MFHAS1: variants seen among roughly 807,000 people sequenced by gnomAD.
MFHAS1 encodes malignant fibrous histiocytoma-amplified sequence 1.
In MFHAS1, 50 loss-of-function variants were observed where a neutral mutation model predicts 70.4. That is an observed-to-expected ratio of 0.71 (90% confidence interval 0.57 to 0.90). The LOEUF is 0.90. MFHAS1 is among the 40% of genes least tolerant of loss of function. The probability of loss-of-function intolerance (pLI) is 0.00; values close to 1 mark genes in which losing one functional copy is unlikely to be tolerated. For missense variants in MFHAS1, 1,795 were observed against 1,347.6 expected, an observed-to-expected ratio of 1.33 and a Z score of -5.20; for synonymous variants, 952 against 620.0, an observed-to-expected ratio of 1.54 and a Z score of -7.96.
intron 1 of MFHAS1, among the ~76,000 whole-genome samples, chr8:8,843,136 G>T (rs924488853): frequency 6.6e-6 from 1 of 152,028 alleles, no homozygotes; most frequent in African/African-American, 2.4e-5. Context: ...GGGCGCGGTG[G>T]CGGGCGCCTG....
chr8:8,835,021 G>T lies in MFHAS1; in HGVS notation c.2999-37530C>A, dbSNP rs145365427. Among the ~76,000 whole-genome samples, 29 of 152,258 alleles carry T rather than the reference G, an allele frequency of 1.9e-4. No individual in the cohort carries two copies. The East Asian group carries it at 4.0e-3, about 21-fold the overall frequency. Reference sequence around the variant, plus strand: ...GGATTCTAAAGGCACTGTGAACCAAGGAAGTTTGCAAACCTCTAAACCAGA... The same window carrying T: ...GGATTCTAAAGGCACTGTGAACCAATGAAGTTTGCAAACCTCTAAACCAGA... On this transcript the variant is annotated intron_variant, in intron 1 of 2. Transcript: ENST00000276282.
chr8:8,862,783 G>C (rs1469675719), intron 1 of MFHAS1, among the ~76,000 whole-genome samples: 1 of 152,170 alleles, frequency 6.6e-6, no homozygotes, highest in East Asian at 1.9e-4. Context: ...CACTGTGGTT[G>C]GGGATGCTAC....
At chr8:8,849,350 G>C (rs1018721888) in intron 1 of MFHAS1, among the ~76,000 whole-genome samples, 3 of 151,978 alleles carry the variant, frequency 2.0e-5, no homozygotes, top group Non-Finnish European at 2.9e-5. Context: ...TGAAGTGCTG[G>C]GATTACAAGT....
intron 1 of MFHAS1, among the ~76,000 whole-genome samples, chr8:8,879,819 C>G (rs1416918363): frequency 6.6e-6 from 1 of 152,184 alleles, no homozygotes; most frequent in Non-Finnish European, 1.5e-5. Context: ...CTGTATAGAG[C>G]AGGTATTCAA....
At chr8:8,816,398 G>A (rs146758425) in intron 1 of MFHAS1, among the ~76,000 whole-genome samples, 19 of 152,274 alleles carry the variant, frequency 1.2e-4, no homozygotes, top group Non-Finnish European at 2.8e-4. Flanking sequence ...GTTATGGCAT[G>A]ACCATCCTCC....
chr8:8,814,087 G>A (rs1226233795), intron 1 of MFHAS1, among the ~76,000 whole-genome samples: 1 of 151,952 alleles, frequency 6.6e-6, no homozygotes, highest in Admixed American at 6.6e-5. Context: ...ACAGGTGTGT[G>A]CCACCACGCC....
chr8:8,828,443 C>G (rs1042740192), intron 1 of MFHAS1, among the ~76,000 whole-genome samples: 1 of 152,124 alleles, frequency 6.6e-6, no homozygotes, highest in African/African-American at 2.4e-5. Context: ...CTGCAGTGTT[C>G]TCAGATGGCC....
At chr8:8,877,941 CCTG>C (rs1809358663) in intron 1 of MFHAS1, among the ~76,000 whole-genome samples, 1 of 152,178 alleles carries the variant, frequency 6.6e-6, no homozygotes, top group African/African-American at 2.4e-5. Context: ...CACCCCTAGG[CCTG>C]CTGAAGTCTT....
chr8:8,835,158 G>T (rs1426912142), intron 1 of MFHAS1, among the ~76,000 whole-genome samples: 1 of 146,132 alleles, frequency 6.8e-6, no homozygotes, highest in African/African-American at 2.5e-5. Flanking sequence ...TGAGCATTAG[G>T]GGAGTGAGGG....
In MFHAS1 at chr8:8,890,288, G is replaced by T; in HGVS notation, c.2771C>A (p.Pro924His). ...GGCAGGTCTGTAACTCACAACCACA[G>T]GAACTTTCCCTCTATAGGCAAAGAT... ...FQIFAYRGKVPVVVSYRPARG... is the reference protein window; with the variant it reads ...FQIFAYRGKVHVVVSYRPARG... The change falls in exon 1 of 3, where the codon CCT (proline) becomes CAT (histidine). Residue 924 changes from proline (P) to histidine (H), a missense_variant. Coordinates refer to ENST00000276282, the MANE Select transcript of MFHAS1 (RefSeq NM_004225.3). 1 of 1,614,234 alleles carries T rather than the reference G, an allele frequency of 6.2e-7. No individual in the cohort carries two copies. Among genetic ancestry groups the T allele is most frequent in the Non-Finnish European group, 8.5e-7 (1 of 1,180,042 alleles).
intron 1 of MFHAS1, among the ~76,000 whole-genome samples, chr8:8,884,083 A>AG: frequency 9.1e-6 from 1 of 109,816 alleles, no homozygotes; most frequent in South Asian, 3.2e-4. Flanking sequence ...CACACACACA[A>AG]AAAGAAAAAA....
chr8:8,786,940 A>G (rs954910630), intron 2 of MFHAS1, among the ~76,000 whole-genome samples: 100 of 148,742 alleles, frequency 6.7e-4, no homozygotes, highest in African/African-American at 2.5e-3. Context: ...GCAAAGCAAA[A>G]CAAAACAAAA....
rs112377667 is a variant in MFHAS1 at position 8,790,497 on chromosome 8, A to C, written c.3126-4442T>G. ...TGACGGGAGACTAAATAATTAAAGA[A>C]ACACAATTCCTCCTAGCTTGTTAAA... On this transcript the variant is annotated intron_variant, in intron 2 of 2. Coordinates refer to ENST00000276282, the MANE Select transcript of MFHAS1 (RefSeq NM_004225.3). 1,986 of 421,606 alleles carry C rather than the reference A, an allele frequency of 4.7e-3. 30 individuals are homozygous for C. The South Asian group carries it at 0.05, about 11-fold the overall frequency. 26.1% of individuals were successfully genotyped at this position (421,606 alleles called of 1,614,324 possible).
At position 8,834,137 on chromosome 8, in the gene MFHAS1, AAAAC is replaced by A. The variant is rs1563196020; in HGVS notation, c.2999-36650_2999-36647del. Among the ~76,000 whole-genome samples, 28 of 151,698 alleles carry A rather than the reference AAAAC, an allele frequency of 1.8e-4. No individual in the cohort carries two copies. The South Asian group carries it at 2.3e-3, about 12-fold the overall frequency. ...TGAGACTCTGTCAAAAAAAACAAAA[AAAAC>A]AAAACAAACAAACAAACAAACAAAA... On this transcript the variant is annotated intron_variant, in intron 1 of 2. Coordinates refer to ENST00000276282, the MANE Select transcript of MFHAS1 (RefSeq NM_004225.3).
rs532760435 is a variant in MFHAS1 at position 8,817,042 on chromosome 8, A to C, written c.2999-19551T>G. On this transcript the variant is annotated intron_variant, in intron 1 of 2. Transcript: ENST00000276282. Reference sequence around the variant, plus strand: ...TTCATCCAACACTATCCCCCTCGAAATGTCAAAGAGACACCAAGGCTAAGG... The same window carrying C: ...TTCATCCAACACTATCCCCCTCGAACTGTCAAAGAGACACCAAGGCTAAGG... Among the ~76,000 whole-genome samples, 8 of 152,324 alleles carry C rather than the reference A, an allele frequency of 5.3e-5. No homozygotes were observed. In the South Asian group the frequency reaches 1.7e-3, roughly 32 times the overall value.
chr8:8,853,127 C>T (rs1270242304), intron 1 of MFHAS1, among the ~76,000 whole-genome samples: 2 of 152,056 alleles, frequency 1.3e-5, no homozygotes, highest in Non-Finnish European at 2.9e-5. Context: ...TCTCCTACTA[C>T]ACAAACAAGG....
chr8:8,870,373 G>C, intron 1 of MFHAS1, among the ~76,000 whole-genome samples: 1 of 152,040 alleles, frequency 6.6e-6, no homozygotes, highest in East Asian at 1.9e-4. Context: ...GGCTGCAGTG[G>C]AAGGATAGCT....
chr8:8,892,552 C>G lies in MFHAS1; in HGVS notation c.507G>C (p.Arg169=). The G allele has an allele frequency of 6.2e-7, 1 of 1,600,500 alleles. No homozygotes were observed. The change falls in exon 1 of 3, where the codon CGG becomes CGC. Residue 169 remains arginine, a synonymous_variant. Coordinates refer to ENST00000276282, the MANE Select transcript of MFHAS1 (RefSeq NM_004225.3). The surrounding 1 kb of genome is among the most constrained non-coding windows in gnomAD (Gnocchi z 4.7). Reference sequence around the variant, plus strand: ...AGAGGGAGTCAGGCAGGTGCGCCAGCCGGTTAAAGCTGACATCCAGCTCCT... The same window carrying G: ...AGAGGGAGTCAGGCAGGTGCGCCAGGCGGTTAAAGCTGACATCCAGCTCCT... ...HLEELDVSFN[R]LAHLPDSLSC... is the part of the protein sequence containing the mutation.
intron 1 of MFHAS1, 66 bp from the exon 2 acceptor site, chr8:8,797,557 A>C: frequency 6.5e-7 from 1 of 1,543,958 alleles, no homozygotes; most frequent in South Asian, 1.2e-5. Context: ...TTTTACAAAG[A>C]CAGCACTGCC....
Sources: gnomAD v4.1 joint callset for allele counts (sites outside exome capture counted in the v4.1 genomes callset) on GRCh38, gnomAD v4.1.1 for gene constraint, Gnocchi (gnomAD v3.1) non-coding constraint, MANE v1.5 for transcripts, NCBI Gene and HGNC (gene_info 2026-07-23, HGNC 2026-07-21) for gene names.